Variants in CUX1 observed in about 807,000 individuals in gnomAD.
CUX1 encodes cut like homeobox 1.
CUX1 carries 31 observed loss-of-function variants against 158.8 expected under a neutral mutation model. The observed-to-expected ratio is 0.20, with a 90% confidence interval of 0.15 to 0.26. The LOEUF is 0.26. Among genes scored for constraint, CUX1 ranks in the 10% least tolerant of loss-of-function variants. The pLI is 1.00. For synonymous variants in CUX1, 879 were observed against 862.1 expected (o/e 1.02, Z -0.34); for missense variants, 1,589 against 2,014.6 (o/e 0.79, Z 4.04).
chr7:101,889,912 A>G lies in CUX1; in HGVS notation c.31-26203A>G, dbSNP rs150909854. The stretch of plus-strand genomic sequence containing the variant: ...GGTGTTGAAACTCTCTCGCGATCCC[A>G]GTGACTTGAGATGCTCTGTTTTCTG... On this transcript the variant is annotated intron_variant, in intron 1 of 23. Coordinates refer to ENST00000292535, the MANE Select transcript of CUX1 (RefSeq NM_181552.4). 2.3e-3 allele frequency among the ~76,000 whole-genome samples: 354 copies of G among 152,300 alleles called. 1 individual carries two copies. Among genetic ancestry groups the G allele is most frequent in the African/African-American group, 8.1e-3 (335 of 41,556 alleles).
intron 2 of CUX1, among the ~76,000 whole-genome samples, chr7:101,979,866 C>G (rs1023517864): frequency 2.6e-5 from 4 of 152,224 alleles, no homozygotes; most frequent in African/African-American, 9.6e-5. Context: ...ACAGGCCAGG[C>G]TGGTCACGAA....
chr7:102,204,201 T>A (rs1554520463), intron 18 of CUX1, among the ~76,000 whole-genome samples, 190 bp from the exon 19 acceptor site: 1 of 152,014 alleles, frequency 6.6e-6, no homozygotes, highest in Non-Finnish European at 1.5e-5. Context: ...TGTGCCGGGG[T>A]CTCAGCCACC....
At chr7:102,173,876 C>G (rs1792006548) in intron 10 of CUX1, among the ~76,000 whole-genome samples, 1 of 152,136 alleles carries the variant, frequency 6.6e-6, no homozygotes. Flanking sequence ...TCCCACATAG[C>G]CAGTGGGTTC....
intron 2 of CUX1, among the ~76,000 whole-genome samples, chr7:102,019,178 G>A (rs376972625): frequency 7.9e-5 from 12 of 151,676 alleles, no homozygotes; most frequent in African/African-American, 2.4e-4. Context: ...TTAGATAACC[G>A]CCCCCGCGCC....
chr7:101,952,831 G>A (rs573229939), intron 2 of CUX1, among the ~76,000 whole-genome samples: 16 of 152,324 alleles, frequency 1.1e-4, no homozygotes, highest in African/African-American at 3.8e-4. Context: ...TTCCACCCCT[G>A]CACTGGGTGT....
chr7:101,980,749 G>A (rs760949690), intron 2 of CUX1, among the ~76,000 whole-genome samples: 12 of 151,968 alleles, frequency 7.9e-5, no homozygotes, highest in East Asian at 1.9e-4. Flanking sequence ...TGTGACCCCC[G>A]GCCCAAGAAC....
intron 10 of CUX1, among the ~76,000 whole-genome samples, chr7:102,175,332 C>T (rs1554511537): frequency 6.6e-6 from 1 of 152,232 alleles, no homozygotes; most frequent in Non-Finnish European, 1.5e-5. Context: ...TGACCCTTTT[C>T]GTAAAAGCCC....
chr7:102,170,461 C>A lies in CUX1; in HGVS notation c.739C>A (p.Gln247Lys). Residue 247 changes from glutamine to lysine, a missense_variant, in exon 10 of 24, where the codon CAG (glutamine) becomes AAG (lysine). By Grantham distance (53) the Gln-to-Lys change is moderately conservative. Transcript: ENST00000292535. ...TTTCCTTCAGAGGGCAGAGGTGGCT[C>A]AGAGAGAGGCGGAGACCTTAAGGGA... ...ERANQRAEVA[Q>K]REAETLREQL... is the part of the protein sequence containing the mutation. 1.3e-6 allele frequency: 2 copies of A among 1,587,658 alleles called. No individual in the cohort carries two copies. The highest frequency in any genetic ancestry group is 1.7e-6 in the Non-Finnish European group (2 of 1,166,452).
At chr7:102,069,225 T>C (rs555784876) in intron 3 of CUX1, among the ~76,000 whole-genome samples, 8 of 152,248 alleles carry the variant, frequency 5.3e-5, no homozygotes, top group Non-Finnish European at 1.0e-4. Flanking sequence ...TGACCGCTGC[T>C]CAGGTGATGA....
intron 11 of CUX1, among the ~76,000 whole-genome samples, chr7:102,182,564 A>G (rs1793211243): frequency 1.3e-5 from 2 of 152,208 alleles, no homozygotes; most frequent in Non-Finnish European, 2.9e-5. Context: ...CACGTGTGTC[A>G]TGGGACATCG....
chr7:102,149,975 C>T (rs565053339), intron 8 of CUX1, among the ~76,000 whole-genome samples: 1 of 152,192 alleles, frequency 6.6e-6, no homozygotes, highest in Admixed American at 6.5e-5. Context: ...CCCTTAAGGA[C>T]AGAGCAGGTC....
At chr7:102,267,030 C>A (rs1341503098) in intron 14 of CUX1, among the ~76,000 whole-genome samples, 2 of 152,060 alleles carry the variant, frequency 1.3e-5, no homozygotes, top group Admixed American at 6.6e-5. Context: ...CTGGAGACCC[C>A]ATTGCATAGG....
At chr7:102,052,363 A>G (rs897602679) in intron 3 of CUX1, among the ~76,000 whole-genome samples, 2 of 152,306 alleles carry the variant, frequency 1.3e-5, no homozygotes, top group African/African-American at 2.4e-5. Flanking sequence ...TTAACATTTC[A>G]TATCAATGAG....
rs573967980 is a variant in CUX1 at position 102,237,396 on chromosome 7, ATCCCAGCTACCCGAGTAGC to A, written c.3623-1922_3623-1904del. ...TGTTCTGGGCTCAAGTGATCCTCCC[ATCCCAGCTACCCGAGTAGC>A]TGGGACTACAGGTGCACGCCACCAC... On this transcript the variant is annotated intron_variant, in intron 22 of 23. Coordinates refer to ENST00000292535, the MANE Select transcript of CUX1 (RefSeq NM_181552.4). 2.5e-3 allele frequency among the ~76,000 whole-genome samples: 383 copies of A among 151,710 alleles called. 2 individuals carry two copies. The highest frequency in any genetic ancestry group is 9.0e-3 in the African/African-American group (372 of 41,332).
At chr7:102,259,750 A>G (rs1377033000), downstream of CUX1, among the ~76,000 whole-genome samples, 2 of 27,712 alleles carry the variant, frequency 7.2e-5, 1 homozygote, top group South Asian at 3.0e-3. Flanking sequence ...TTAAAAAAAA[A>G]AAAAAAAGAA....
At chr7:101,937,215 C>A (rs998683971) in intron 2 of CUX1, among the ~76,000 whole-genome samples, 2 of 152,144 alleles carry the variant, frequency 1.3e-5, no homozygotes, top group Admixed American at 1.3e-4. Context: ...GGGATGTCAG[C>A]ACCCCAGCCC....
chr7:102,183,261 G>A (rs191476185), intron 11 of CUX1, among the ~76,000 whole-genome samples: 80 of 152,050 alleles, frequency 5.3e-4, no homozygotes, highest in African/African-American at 1.8e-3. Context: ...TCATCTGCCC[G>A]CCTCAGCCTC....
chr7:102,170,293 C>T (rs1324882970), intron 9 of CUX1, among the ~76,000 whole-genome samples, 153 bp from the exon 10 acceptor site: 1 of 152,204 alleles, frequency 6.6e-6, no homozygotes, highest in Non-Finnish European at 1.5e-5. Context: ...AAATCCATCA[C>T]ATTCTGTGTT....
chr7:102,057,006 A>G (rs1298268191), intron 3 of CUX1, among the ~76,000 whole-genome samples: 3 of 150,258 alleles, frequency 2.0e-5, no homozygotes, highest in African/African-American at 7.4e-5. Context: ...GGTTCAAGTG[A>G]TTCTCCTGCC....
Sources: gnomAD v4.1 joint callset for allele counts (sites outside exome capture counted in the v4.1 genomes callset) on GRCh38, gnomAD v4.1.1 for gene constraint, MANE v1.5 for transcripts, NCBI Gene and HGNC (gene_info 2026-07-23, HGNC 2026-07-21) for gene names.